The following SLC5A4 variants were observed in gnomAD, a reference collection of about 807,000 sequenced individuals.
The protein encoded by SLC5A4 is solute carrier family 5 member 4.
In SLC5A4, 55 loss-of-function variants were observed where a neutral mutation model predicts 70.3. That is an observed-to-expected ratio of 0.78 (90% CI 0.63 to 0.98). SLC5A4 has a LOEUF of 0.98. SLC5A4 is among the 50% of genes least tolerant of loss of function. The pLI is 0.00. For synonymous variants in SLC5A4, 268 were observed against 305.7 expected (o/e 0.88, Z 1.29); for missense variants, 735 against 839.2 (o/e 0.88, Z 1.53).
At chr22:32,298,249 TG>T in the SLC5A4 span, among the ~76,000 whole-genome samples, 26,616 of 130,144 alleles carry the variant, frequency 0.2, 1,165 homozygotes, top group East Asian at 0.24. Flanking sequence ...ATGTTGACAG[TG>T]GGGTGTTAAA....
chr22:32,267,590 C>T, the SLC5A4 span, among the ~76,000 whole-genome samples: 187 of 152,270 alleles, frequency 1.2e-3, 4 homozygotes, highest in South Asian at 0.014. Context: ...GCGATCCTCC[C>T]GACTCAGCCT....
the SLC5A4 span, among the ~76,000 whole-genome samples, chr22:32,320,520 G>C: frequency 1.9e-4 from 29 of 152,310 alleles, no homozygotes; most frequent in Admixed American, 1.7e-3. Context: ...GCCATGCAGA[G>C]ACCAGGCAGG....
chr22:32,272,310 CCCGTGACTG>C, the SLC5A4 span: 1 of 817,902 alleles, frequency 1.2e-6, no homozygotes, highest in Non-Finnish European at 2.2e-6. Context: ...GCAGAAGGGG[CCCGTGACTG>C]CCCTGTGCAC....
At chr22:32,263,939 T>C in the SLC5A4 span, among the ~76,000 whole-genome samples, 2 of 152,064 alleles carry the variant, frequency 1.3e-5, no homozygotes, top group East Asian at 1.9e-4. Context: ...CTCAGTAAAC[T>C]AACACAAGAA....
the SLC5A4 span, among the ~76,000 whole-genome samples, chr22:32,345,016 C>G: frequency 6.6e-6 from 1 of 152,056 alleles, no homozygotes; most frequent in Non-Finnish European, 1.5e-5. Context: ...GTAGCTAGGA[C>G]TAAAATTAAT....
At chr22:32,261,797 C>G in the SLC5A4 span, among the ~76,000 whole-genome samples, 5 of 152,184 alleles carry the variant, frequency 3.3e-5, no homozygotes, top group Admixed American at 3.3e-4. Context: ...TACCCATTAA[C>G]CATCCTCACC....
the SLC5A4 span, among the ~76,000 whole-genome samples, chr22:32,328,215 GCCC>G: frequency 2.6e-5 from 4 of 152,052 alleles, no homozygotes; most frequent in African/African-American, 9.7e-5. Context: ...GCTGCTCACA[GCCC>G]CCTACTCTGA....
At position 32,247,499 on chromosome 22, in the gene SLC5A4, T is replaced by G. The variant is rs1350405217; in HGVS notation, c.389A>C (p.Glu130Ala). 6.2e-7 allele frequency: 1 copy of G among 1,612,530 alleles called. No homozygotes were observed. The highest frequency in any genetic ancestry group is 1.3e-5 in the African/African-American group (1 of 74,902). The change falls in exon 5 of 15, where the codon GAA (glutamate) becomes GCA (alanine). Residue 130 changes from glutamate (E) to alanine (A), a missense_variant. Physicochemically the swap from Glu to Ala is moderately radical, Grantham distance 107 (BLOSUM62 -1). Transcript: ENST00000266086. The stretch of plus-strand genomic sequence containing the variant: ...CCCACCAAACCGCTTCTTGAGATAT[T>G]CCGGCATGGTCATCACCTGCAGAGA... ...YIKSGVMTMP[E>A]YLKKRFGGER...
the SLC5A4 span, among the ~76,000 whole-genome samples, chr22:32,336,626 C>T: frequency 6.6e-6 from 1 of 152,220 alleles, no homozygotes; most frequent in East Asian, 1.9e-4. Flanking sequence ...GACAGCTGCA[C>T]CCTGGGCCCA....
the SLC5A4 span, among the ~76,000 whole-genome samples, chr22:32,301,212 C>T: frequency 7.2e-5 from 11 of 152,302 alleles, no homozygotes; most frequent in South Asian, 4.1e-4. Flanking sequence ...CCAGCCACCT[C>T]GGCCTCCCAA....
the SLC5A4 span, among the ~76,000 whole-genome samples, chr22:32,342,486 C>CA: frequency 1.3e-5 from 2 of 151,920 alleles, no homozygotes; most frequent in African/African-American, 4.8e-5. Context: ...TTAAGATAAA[C>CA]AAAAACAACC....
At chr22:32,267,430 A>G in the SLC5A4 span, among the ~76,000 whole-genome samples, 11 of 152,194 alleles carry the variant, frequency 7.2e-5, no homozygotes, top group Admixed American at 7.2e-4. Context: ...ATTAAGAAAA[A>G]AATTAAAATT....
the SLC5A4 span, among the ~76,000 whole-genome samples, chr22:32,335,752 T>A: frequency 6.6e-6 from 1 of 152,066 alleles, no homozygotes; most frequent in East Asian, 1.9e-4. Context: ...ACACAGGGTG[T>A]GACAGACTCA....
the SLC5A4 span, among the ~76,000 whole-genome samples, chr22:32,288,262 G>A: frequency 2.2e-3 from 334 of 152,292 alleles, 4 homozygotes; most frequent in African/African-American, 7.1e-3. Flanking sequence ...CCAGAGGGGC[G>A]CACAGGAAGA....
chr22:32,245,400 C>CT (rs1741807668), intron 5 of SLC5A4, among the ~76,000 whole-genome samples: 1 of 152,216 alleles, frequency 6.6e-6, no homozygotes, highest in Non-Finnish European at 1.5e-5. Flanking sequence ...TTCTGTCCCT[C>CT]CCCATCCACC....
upstream of SLC5A4, among the ~76,000 whole-genome samples, chr22:32,258,375 C>T (rs118114618): frequency 0.014 from 2,076 of 152,054 alleles, 29 homozygotes; most frequent in Non-Finnish European, 0.023. Context: ...AATAACCCCC[C>T]ACAACTCAAT....
At chr22:32,325,887 T>C in the SLC5A4 span, among the ~76,000 whole-genome samples, 1 of 152,204 alleles carries the variant, frequency 6.6e-6, no homozygotes, top group African/African-American at 2.4e-5. Flanking sequence ...CCAGCCCCTC[T>C]CGTCCAGGGC....
At chr22:32,271,575 G>A in the SLC5A4 span, 1 of 700,500 alleles carries the variant, frequency 1.4e-6, no homozygotes. Flanking sequence ...CGGGCCCGGG[G>A]CCGCGTGGCG....
the SLC5A4 span, among the ~76,000 whole-genome samples, chr22:32,335,124 CCAGACA>C: frequency 1.3e-5 from 2 of 152,286 alleles, no homozygotes; most frequent in South Asian, 4.1e-4. Flanking sequence ...GGAAGGAGAG[CCAGACA>C]CAGATGGAAA....
Sources: allele counts gnomAD v4.1 joint callset (sites outside exome capture counted in the v4.1 genomes callset), GRCh38; gene constraint gnomAD v4.1.1; transcripts MANE v1.5; gene names NCBI Gene and HGNC (gene_info 2026-07-23, HGNC 2026-07-21).